DCDC2: variants seen among roughly 807,000 people sequenced by gnomAD.
DCDC2 encodes doublecortin domain-containing protein 2.
DCDC2 carries 40 observed loss-of-function variants against 50.2 expected under a neutral mutation model. That is an observed-to-expected ratio of 0.80 (90% CI 0.62 to 1.04). The LOEUF (loss-of-function observed/expected upper bound fraction) is 1.04. DCDC2 is among the 50% of genes least tolerant of loss of function. DCDC2 has a pLI of 0.00. For missense variants in DCDC2, 570 were observed against 581.9 expected (o/e 0.98, Z 0.21); for synonymous variants, 234 against 210.6 (o/e 1.11, Z -0.96).
intron 2 of DCDC2, chr6:24,353,367 C>T: frequency 3.1e-6 from 2 of 646,336 alleles, no homozygotes; most frequent in South Asian, 1.6e-5. Context: ...ATATCCTGCA[C>T]ATCTTAGAAC....
intron 8 of DCDC2, among the ~76,000 whole-genome samples, chr6:24,195,326 G>C (rs1466184560): frequency 1.3e-5 from 2 of 152,094 alleles, no homozygotes; most frequent in Non-Finnish European, 2.9e-5. Context: ...TTGCATTTTA[G>C]GAGAAGAACC....
chr6:24,213,643 T>C (rs576549318), intron 7 of DCDC2, among the ~76,000 whole-genome samples: 5 of 152,192 alleles, frequency 3.3e-5, no homozygotes, highest in Admixed American at 3.3e-4. Flanking sequence ...TTTACAGATA[T>C]AGATTGTTGT....
upstream of DCDC2, among the ~76,000 whole-genome samples, chr6:24,361,292 G>T (rs774575821): frequency 3.3e-5 from 5 of 152,094 alleles, no homozygotes; most frequent in Admixed American, 6.6e-5. Flanking sequence ...CGTGGGAGGA[G>T]GGAGAGGAGC....
Position 24,174,765 on chromosome 6 carries a change from T to C in DCDC2, c.1396A>G (p.Asn466Asp), listed in dbSNP as rs745898766. Reference sequence around the variant, plus strand: ...GCAGCATAGTCCTTGTTTTGTTGGTTGTTTTCATTTTCTTCTGGACTGGTA... The same window carrying C: ...GCAGCATAGTCCTTGTTTTGTTGGTCGTTTTCATTTTCTTCTGGACTGGTA... ...KITSPEENEN[N>D]QQNKDYAAVA Residue 466 changes from asparagine (N) to aspartate (D), a missense_variant, in exon 10 of 10, where the codon AAC (asparagine) becomes GAC (aspartate). Physicochemically the swap from Asn to Asp is conservative, Grantham distance 23 (BLOSUM62 1). Coordinates refer to ENST00000378454, the MANE Select transcript of DCDC2 (RefSeq NM_016356.5). 1 of 1,613,828 alleles carries C rather than the reference T, an allele frequency of 6.2e-7. No individual in the cohort carries two copies. Among genetic ancestry groups the C allele is most frequent in the Non-Finnish European group, 8.5e-7 (1 of 1,179,840 alleles).
chr6:24,326,988 T>C (rs961549670), intron 2 of DCDC2, among the ~76,000 whole-genome samples: 1 of 149,688 alleles, frequency 6.7e-6, no homozygotes, highest in African/African-American at 2.4e-5. Flanking sequence ...CCAAGGATTG[T>C]GTTCTACCAT....
chr6:24,240,751 G>A (rs1367227171), intron 7 of DCDC2, among the ~76,000 whole-genome samples: 2 of 152,214 alleles, frequency 1.3e-5, no homozygotes, highest in Non-Finnish European at 2.9e-5. Context: ...AGAAGTAACA[G>A]ATAAAGCTGG....
At chr6:24,255,397 C>A in intron 7 of DCDC2, among the ~76,000 whole-genome samples, 1 of 149,848 alleles carries the variant, frequency 6.7e-6, no homozygotes, top group African/African-American at 2.4e-5. Flanking sequence ...AACAAGCTTC[C>A]AGAAGAAAAC....
At chr6:24,341,949 C>T (rs1561781470) in intron 2 of DCDC2, among the ~76,000 whole-genome samples, 1 of 19,102 alleles carries the variant, frequency 5.2e-5, no homozygotes, top group Non-Finnish European at 2.4e-4. Context: ...TGCACGCGTA[C>T]ACACACACAC....
intron 2 of DCDC2, 48 bp from the exon 3 acceptor site, chr6:24,302,092 CTT>C: frequency 6.7e-7 from 1 of 1,498,086 alleles, no homozygotes; most frequent in Non-Finnish European, 9.1e-7. Context: ...CTTATATTAG[CTT>C]TTTTTTTCCT....
chr6:24,373,969 T>C, the DCDC2 span, among the ~76,000 whole-genome samples: 1 of 151,834 alleles, frequency 6.6e-6, no homozygotes, highest in South Asian at 2.1e-4. Context: ...GAGACCATCC[T>C]GGCTAACACA....
At chr6:24,307,832 A>G (rs904665100) in intron 2 of DCDC2, among the ~76,000 whole-genome samples, 6 of 152,092 alleles carry the variant, frequency 3.9e-5, no homozygotes, top group Admixed American at 2.6e-4. Flanking sequence ...GAGATCTACT[A>G]GACTGAACGG....
At chr6:24,209,288 T>C (rs1231110691) in intron 7 of DCDC2, among the ~76,000 whole-genome samples, 5 of 152,218 alleles carry the variant, frequency 3.3e-5, no homozygotes, top group Admixed American at 6.5e-5. Flanking sequence ...ATATTCCCTT[T>C]ATTACTACTA....
At chr6:24,263,225 C>T (rs1473039475) in intron 7 of DCDC2, among the ~76,000 whole-genome samples, 4 of 152,184 alleles carry the variant, frequency 2.6e-5, no homozygotes, top group South Asian at 2.1e-4. Context: ...TAGATTACAA[C>T]ACACAACACA....
upstream of DCDC2, among the ~76,000 whole-genome samples, chr6:24,359,438 C>A (rs71535565): frequency 2.6e-4 from 16 of 60,762 alleles, no homozygotes; most frequent in African/African-American, 5.6e-4. Context: ...TTTATATATA[C>A]TATATAGTAT....
chr6:24,299,596 G>A (rs1759328802), intron 4 of DCDC2, among the ~76,000 whole-genome samples: 1 of 152,114 alleles, frequency 6.6e-6, no homozygotes, highest in Admixed American at 6.6e-5. Context: ...AAAAAATTAG[G>A]ATTTGGAATA....
chr6:24,337,266 T>C (rs35387643), intron 2 of DCDC2, among the ~76,000 whole-genome samples: 10 of 152,212 alleles, frequency 6.6e-5, no homozygotes, highest in Non-Finnish European at 4.4e-5. Context: ...TATCTCTCTG[T>C]AATCTCTTCA....
At chr6:24,304,664 T>G (rs1759438113) in intron 2 of DCDC2, among the ~76,000 whole-genome samples, 1 of 152,220 alleles carries the variant, frequency 6.6e-6, no homozygotes, top group Non-Finnish European at 1.5e-5. Flanking sequence ...ACATGCATAT[T>G]ATCTTATGTA....
At chr6:24,340,448 G>A (rs893023379) in intron 2 of DCDC2, among the ~76,000 whole-genome samples, 2 of 152,102 alleles carry the variant, frequency 1.3e-5, no homozygotes, top group African/African-American at 4.8e-5. Context: ...TTAGTCAGTT[G>A]AGCCTTCATG....
intron 7 of DCDC2, among the ~76,000 whole-genome samples, chr6:24,273,246 A>G (rs1156380750): frequency 6.6e-6 from 1 of 152,136 alleles, no homozygotes; most frequent in Non-Finnish European, 1.5e-5. Context: ...CACATGAGAG[A>G]GGGTAGAATG....
Sources: allele counts gnomAD v4.1 joint callset (sites outside exome capture counted in the v4.1 genomes callset), GRCh38; gene constraint gnomAD v4.1.1; transcripts MANE v1.5; gene names NCBI Gene and HGNC (gene_info 2026-07-23, HGNC 2026-07-21).